Variants in MVP observed in about 807,000 individuals in gnomAD.
MVP encodes the protein major vault protein, also known as lung resistance-related protein.
A neutral mutation model predicts 83.5 loss-of-function variants in MVP; 62 were observed. The observed-to-expected ratio is 0.74, with a 90% CI of 0.61 to 0.92. MVP has a LOEUF of 0.92. Among genes scored for constraint, MVP ranks in the 40% least tolerant of loss-of-function variants. The probability of loss-of-function intolerance (pLI) is 0.00; values close to 1 mark genes in which losing one functional copy is unlikely to be tolerated. For synonymous variants in MVP, 505 were observed against 504.1 expected, an observed-to-expected ratio of 1.00 and a Z score of -0.02; for missense variants, 1,000 against 1,203.4, an observed-to-expected ratio of 0.83 and a Z score of 2.50.
chr16:29,841,513 A>G lies in MVP; in HGVS notation c.1192-83A>G. ...TAACCTCGTGGCGCGCCTTCCCTGG[A>G]TGGGCTCTGCTTTGGGACAGCTGGG... On this transcript the variant is annotated intron_variant, in intron 8 of 14. Transcript: ENST00000357402. This position sits in a 1 kb window ranked among gnomAD's most constrained non-coding sequence, Gnocchi z 4.7. 3 of 1,492,072 alleles carry G rather than the reference A, an allele frequency of 2.0e-6. No homozygotes were observed. The highest frequency in any genetic ancestry group is 2.7e-6 in the Non-Finnish European group (3 of 1,119,816). The allele number at this position is 1,492,072 out of a possible 1,614,324, so 92.4% of individuals were successfully genotyped here. A position where few individuals can be genotyped will look rare whatever the true frequency, so the allele number is the denominator to read the frequency against.
At chr16:29,821,442 A>G (rs968636174) in intron 1 of MVP, 1 of 152,236 alleles carries the variant, frequency 6.6e-6, no homozygotes, top group Non-Finnish European at 1.5e-5. Context: ...CAGGGCTCCA[A>G]GGTAACGGGG....
chr16:29,824,638 A>G (rs2067392647), intron 1 of MVP, among the ~76,000 whole-genome samples: 1 of 152,142 alleles, frequency 6.6e-6, no homozygotes, highest in Non-Finnish European at 1.5e-5. Context: ...TGTGCCTGTA[A>G]TTCCAGCTAC....
At chr16:29,832,458 C>T (rs571028535) in intron 3 of MVP, among the ~76,000 whole-genome samples, 6 of 150,856 alleles carry the variant, frequency 4.0e-5, no homozygotes, top group South Asian at 4.2e-4. Flanking sequence ...CCACCACACC[C>T]GGCTAACTTT....
chr16:29,831,023 C>A lies in MVP; in HGVS notation c.271C>A (p.Arg91=), dbSNP rs758212695. The change falls in exon 3 of 15, where the codon CGG becomes AGG. Residue 91 remains arginine, a synonymous_variant. Transcript: ENST00000357402. ...VRLRHADLEI[R]LAQDPFPLYP... ...GCTTCGCCACGCTGACCTCGAGATCCGGCTGGCCCAGGACCCCTTCCCCCT... is the reference window on the plus strand; with the variant it reads ...GCTTCGCCACGCTGACCTCGAGATCAGGCTGGCCCAGGACCCCTTCCCCCT... 1 of 1,613,808 alleles carries A rather than the reference C, an allele frequency of 6.2e-7. No homozygotes were observed. Among genetic ancestry groups the A allele is most frequent in the Non-Finnish European group, 8.5e-7 (1 of 1,180,022 alleles).
chr16:29,830,473 G>C (rs891952181), intron 1 of MVP, 42 bp from the exon 2 acceptor site: 32 of 1,553,368 alleles, frequency 2.1e-5, no homozygotes, highest in Non-Finnish European at 2.8e-5. Context: ...CCCCACCCCA[G>C]GCTCCCCAGG....
chr16:29,839,883 T>C (rs966557069), intron 7 of MVP, among the ~76,000 whole-genome samples: 2 of 148,886 alleles, frequency 1.3e-5, no homozygotes, highest in African/African-American at 5.0e-5. Flanking sequence ...AAACAAAGCC[T>C]GGGAGAAAGA....
At chr16:29,845,758 G>T in intron 11 of MVP, 105 bp from the exon 12 acceptor site, 1 of 901,162 alleles carries the variant, frequency 1.1e-6, no homozygotes, top group South Asian at 1.6e-5. Context: ...TCTAGGGGCT[G>T]GGGTCTGTCC....
intron 2 of MVP, 84 bp downstream of exon 2, chr16:29,830,758 T>C: frequency 6.3e-7 from 1 of 1,581,340 alleles, no homozygotes; most frequent in South Asian, 1.2e-5. Flanking sequence ...TCCTCCTCCC[T>C]CTTCCCAAGC....
At chr16:29,843,525 GGAGGAAGGGA>G (rs2067551646) in intron 10 of MVP, among the ~76,000 whole-genome samples, 1 of 26,124 alleles carries the variant, frequency 3.8e-5, no homozygotes, top group African/African-American at 2.2e-4. Flanking sequence ...AGGGAGGAAG[GGAGGAAGGGA>G]GGAAGGGAGG....
chr16:29,841,675 A>G lies in MVP; in HGVS notation c.1271A>G (p.Glu424Gly). ...GAGAAAGAGCTGCCTCCCGGGGTGG[A>G]GGAGCTGCTGAACAAGGGGCAGGAC... ...LWEKELPPGVEELLNKGQDPL... is the reference protein window; with the variant it reads ...LWEKELPPGVGELLNKGQDPL... The change falls in exon 9 of 15, where the codon GAG becomes GGG. Residue 424 changes from glutamate (E) to glycine (G), a missense_variant. Physicochemically the swap from Glu to Gly is moderately conservative, Grantham distance 98. Transcript: ENST00000357402. This position sits in a 1 kb window ranked among gnomAD's most constrained non-coding sequence, Gnocchi z 4.7. The G allele has an allele frequency of 6.2e-7, 1 of 1,611,684 alleles. No individual in the cohort carries two copies. The highest frequency in any genetic ancestry group is 1.3e-5 in the African/African-American group (1 of 74,982).
intron 6 of MVP, among the ~76,000 whole-genome samples, chr16:29,836,250 A>G (rs2067485871): frequency 6.7e-6 from 1 of 149,520 alleles, no homozygotes; most frequent in Non-Finnish European, 1.5e-5. Flanking sequence ...CCTGGGCAAC[A>G]GAGCGAAACC....
chr16:29,847,114 A>G, intron 13 of MVP, 83 bp from the exon 14 acceptor site: 1 of 1,439,664 alleles, frequency 6.9e-7, no homozygotes, highest in South Asian at 1.2e-5. Context: ...CCTTTGAGCC[A>G]GGAGTTCAAG....
At chr16:29,845,376 A>G (rs2067575639) in intron 11 of MVP, among the ~76,000 whole-genome samples, 1 of 149,946 alleles carries the variant, frequency 6.7e-6, no homozygotes, top group African/African-American at 2.5e-5. Flanking sequence ...TTCCAGCCCC[A>G]CTGGCTTCCT....
At position 29,831,169 on chromosome 16, in the gene MVP, T is replaced by G. The variant is rs182437626; in HGVS notation, c.321+96T>G. ...CCTTCTTCTTCTTTTTTTCTTTTCT[T>G]TTTTGAGGCAGAGTTTCACTCTTGT... On this transcript the variant is annotated intron_variant, in intron 3 of 14. Transcript: ENST00000357402. The G allele has an allele frequency of 2.5e-6, 3 of 1,209,542 alleles. No individual in the cohort carries two copies. The African/African-American group carries it at 4.6e-5, about 19-fold the overall frequency. 74.9% of individuals were successfully genotyped at this position (1,209,542 alleles called of 1,614,324 possible). A position where few individuals can be genotyped will look rare whatever the true frequency, so the allele number is the denominator to read the frequency against.
intron 3 of MVP, 76 bp from the exon 4 acceptor site, chr16:29,833,657 C>A: frequency 6.3e-7 from 1 of 1,590,822 alleles, no homozygotes. Context: ...TGTTGTGGAC[C>A]CGCCTCCAGA....
intron 1 of MVP, among the ~76,000 whole-genome samples, chr16:29,823,841 A>G (rs2067383471): frequency 6.7e-6 from 1 of 149,680 alleles, no homozygotes; most frequent in African/African-American, 2.5e-5. Context: ...GACTCGTCTC[A>G]GAAAAAAAAA....
At chr16:29,843,854 C>T (rs1257913434) in intron 10 of MVP, among the ~76,000 whole-genome samples, 5 of 151,738 alleles carry the variant, frequency 3.3e-5, no homozygotes, top group Non-Finnish European at 7.4e-5. Context: ...GAACCCAGAT[C>T]GAGCCACTGC....
intron 6 of MVP, among the ~76,000 whole-genome samples, chr16:29,836,267 CAAAA>C (rs989574046): frequency 5.4e-5 from 3 of 55,100 alleles, no homozygotes; most frequent in Non-Finnish European, 3.8e-5. Flanking sequence ...AACCCTGTCT[CAAAA>C]AAAAAAAAAA....
At chr16:29,822,896 T>G (rs1052399303) in intron 1 of MVP, among the ~76,000 whole-genome samples, 10 of 152,088 alleles carry the variant, frequency 6.6e-5, no homozygotes, top group African/African-American at 2.2e-4. Context: ...TTTTGTATTT[T>G]TAGTAGAGAC....
Sources: allele counts gnomAD v4.1 joint callset (sites outside exome capture counted in the v4.1 genomes callset), GRCh38; gene constraint gnomAD v4.1.1; non-coding constraint Gnocchi (gnomAD v3.1); transcripts MANE v1.5; gene names NCBI Gene and HGNC (gene_info 2026-07-23, HGNC 2026-07-21).